Variants in LRRFIP2 observed in about 807,000 individuals in gnomAD.
LRRFIP2 encodes LRR binding FLII interacting protein 2.
In LRRFIP2, 109 loss-of-function variants were observed where a neutral mutation model predicts 125.9. That is an observed-to-expected ratio of 0.87 (90% CI 0.74 to 1.01). The LOEUF (loss-of-function observed/expected upper bound fraction) is 1.01. Ranked by LOEUF, LRRFIP2 falls within the 50% of genes least tolerant of loss-of-function variation. LRRFIP2 has a pLI of 0.00. For missense variants in LRRFIP2, 850 were observed against 862.3 expected (o/e 0.99, Z 0.18); for synonymous variants, 291 against 293.1 (o/e 0.99, Z 0.07).
chr3:37,108,691 A>C lies in LRRFIP2; in HGVS notation c.610-7T>G, dbSNP rs201928608. ...CACCATTGTACAATGATGCCTAAGG[A>C]ACAAAGGAAATATCACTTAGCTATT... On this transcript the variant is annotated splice_region_variant and splice_polypyrimidine_tract_variant and intron_variant, in intron 11 of 27. Coordinates refer to ENST00000336686, the MANE Select transcript of LRRFIP2 (RefSeq NM_006309.4). 8 of 1,605,332 alleles carry C rather than the reference A, an allele frequency of 5.0e-6. No individual in the cohort carries two copies. In the Admixed American group the frequency reaches 1.2e-4, roughly 23 times the overall value.
chr3:37,065,622 C>A (rs1306163932), intron 23 of LRRFIP2, 188 bp downstream of exon 23: 8 of 734,958 alleles, frequency 1.1e-5, no homozygotes, highest in Non-Finnish European at 2.4e-6. Context: ...TACAGTGACC[C>A]AGATGCTGAT....
intron 14 of LRRFIP2, among the ~76,000 whole-genome samples, chr3:37,104,456 T>C (rs2094218722): frequency 6.6e-6 from 1 of 152,246 alleles, no homozygotes; most frequent in Non-Finnish European, 1.5e-5. Flanking sequence ...CTAAAACGGC[T>C]TTAATTAAAT....
At chr3:37,168,999 G>A (rs376267966) in intron 1 of LRRFIP2, among the ~76,000 whole-genome samples, 3 of 151,978 alleles carry the variant, frequency 2.0e-5, no homozygotes, top group East Asian at 1.9e-4. Flanking sequence ...TTAGATACAC[G>A]AAAATTTACC....
intron 1 of LRRFIP2, among the ~76,000 whole-genome samples, chr3:37,157,962 G>A (rs2362824): frequency 0.53 from 80,461 of 152,028 alleles, 22,344 homozygotes; most frequent in African/African-American, 0.63. Flanking sequence ...CTATCCTCAT[G>A]TCTCCAACAC....
intron 21 of LRRFIP2, among the ~76,000 whole-genome samples, chr3:37,069,183 T>C (rs1161526148): frequency 3.3e-5 from 5 of 152,076 alleles, no homozygotes; most frequent in African/African-American, 9.7e-5. Flanking sequence ...AGTATAACTG[T>C]TACTCAAAAA....
intron 1 of LRRFIP2, among the ~76,000 whole-genome samples, chr3:37,173,196 T>C (rs973157276): frequency 7.0e-6 from 1 of 142,784 alleles, no homozygotes; most frequent in Admixed American, 7.0e-5. Flanking sequence ...AGACTCCACC[T>C]AAAAAAAAAA....
In LRRFIP2 at chr3:37,115,039, T is replaced by G; in HGVS notation, c.372+15A>C. ...GTAAAATTCCACATATAACACAAAG[T>G]CATGTGCTACATACTAATGATGAAA... On this transcript the variant is annotated intron_variant, in intron 7 of 27. Transcript: ENST00000336686. The G allele has an allele frequency of 6.3e-7, 1 of 1,590,490 alleles. No homozygotes were observed. The highest frequency in any genetic ancestry group is 8.6e-7 in the Non-Finnish European group (1 of 1,161,162).
Position 37,085,819 on chromosome 3 carries a change from T to G in LRRFIP2, c.1108-2013A>C, listed in dbSNP as rs1167079629. 2.0e-5 allele frequency among the ~76,000 whole-genome samples: 3 copies of G among 152,032 alleles called. No homozygotes were observed. The East Asian group carries it at 5.8e-4, about 30-fold the overall frequency. On this transcript the variant is annotated intron_variant, in intron 18 of 27. Transcript: ENST00000336686. ...GACTGGTCTCGAACTCCTGACCTCATGATCTGCCCACCTCCGCCTCCCAAA... is the reference window on the plus strand; with the variant it reads ...GACTGGTCTCGAACTCCTGACCTCAGGATCTGCCCACCTCCGCCTCCCAAA...
At position 37,098,019 on chromosome 3, in the gene LRRFIP2, G is replaced by T. The variant is rs59264741; in HGVS notation, c.874-1359C>A. On this transcript the variant is annotated intron_variant, in intron 15 of 27. Transcript: ENST00000336686. ...TATTAAAACATGAAACATCATTTCT[G>T]GCTCTACTCAGAACACTTCACCCTA... 1.7e-3 allele frequency among the ~76,000 whole-genome samples: 261 copies of T among 152,162 alleles called. 1 individual carries two copies. The highest frequency in any genetic ancestry group is 5.5e-3 in the African/African-American group (228 of 41,528).
intron 6 of LRRFIP2, among the ~76,000 whole-genome samples, chr3:37,117,400 T>C (rs537271485): frequency 2.0e-5 from 3 of 152,052 alleles, no homozygotes; most frequent in South Asian, 2.1e-4. Context: ...GGTAGGAAAA[T>C]CCATAATTTG....
intron 1 of LRRFIP2, among the ~76,000 whole-genome samples, chr3:37,167,197 C>CAAAA (rs570958652): frequency 7.9e-5 from 4 of 50,872 alleles, no homozygotes; most frequent in Admixed American, 2.2e-4. Flanking sequence ...ATCTTGTCTC[C>CAAAA]AAAAAAAAAA....
chr3:37,059,844 G>A (rs975734582), intron 24 of LRRFIP2, among the ~76,000 whole-genome samples: 2 of 151,936 alleles, frequency 1.3e-5, no homozygotes, highest in Non-Finnish European at 2.9e-5. Flanking sequence ...TTCCCCAGCT[G>A]TCCTTAACTC....
intron 2 of LRRFIP2, among the ~76,000 whole-genome samples, chr3:37,133,531 A>C (rs1559998732): frequency 6.6e-6 from 1 of 152,244 alleles, no homozygotes; most frequent in Non-Finnish European, 1.5e-5. Flanking sequence ...TACTAAATGA[A>C]ATAAGCCAGA....
intron 13 of LRRFIP2, among the ~76,000 whole-genome samples, chr3:37,106,051 C>A (rs1330231842): frequency 6.6e-6 from 1 of 152,060 alleles, no homozygotes; most frequent in Non-Finnish European, 1.5e-5. Flanking sequence ...GGTGGCAGAG[C>A]AAGACACCAC....
intron 2 of LRRFIP2, among the ~76,000 whole-genome samples, chr3:37,138,953 T>G (rs185975224): frequency 9.2e-5 from 14 of 152,258 alleles, no homozygotes; most frequent in Non-Finnish European, 4.4e-5. Flanking sequence ...GGGTCATTAT[T>G]AAATAAACTA....
At chr3:37,084,180 A>T (rs2092864368) in intron 18 of LRRFIP2, among the ~76,000 whole-genome samples, 1 of 152,178 alleles carries the variant, frequency 6.6e-6, no homozygotes, top group Admixed American at 6.5e-5. Flanking sequence ...GAACGCAGTG[A>T]TACCACAGAA....
At chr3:37,126,886 A>G (rs976482855) in intron 4 of LRRFIP2, among the ~76,000 whole-genome samples, 2 of 152,006 alleles carry the variant, frequency 1.3e-5, no homozygotes, top group South Asian at 2.1e-4. Context: ...GAAAGAAAGA[A>G]AGAAAGTTGC....
At chr3:37,130,301 C>T (rs987286339) in intron 2 of LRRFIP2, among the ~76,000 whole-genome samples, 1 of 152,206 alleles carries the variant, frequency 6.6e-6, no homozygotes, top group South Asian at 2.1e-4. Context: ...AATTTATCTT[C>T]TACATGGTTA....
In LRRFIP2 at chr3:37,167,546, T is replaced by C. The variant is rs1398770431; in HGVS notation, c.-56+6993A>G. ...GCGGGTGCCCATAGTCCCAGCTACT[T>C]GGGAGGCTAAGGCAGGAGAATCGCT... On this transcript the variant is annotated intron_variant, in intron 1 of 27. Coordinates refer to ENST00000336686, the MANE Select transcript of LRRFIP2 (RefSeq NM_006309.4). 4.0e-5 allele frequency among the ~76,000 whole-genome samples: 6 copies of C among 150,014 alleles called. No individual in the cohort carries two copies. The East Asian group carries it at 9.9e-4, about 25-fold the overall frequency.
Sources: gnomAD v4.1 joint callset for allele counts (sites outside exome capture counted in the v4.1 genomes callset) on GRCh38, gnomAD v4.1.1 for gene constraint, MANE v1.5 for transcripts, NCBI Gene and HGNC (gene_info 2026-07-23, HGNC 2026-07-21) for gene names.